The following HS3ST2 variants were observed in gnomAD, a reference collection of about 807,000 sequenced individuals.
HS3ST2 encodes the protein heparan sulfate-glucosamine 3-sulfotransferase 2.
A neutral mutation model predicts 26.3 loss-of-function variants in HS3ST2; 17 were observed. The observed-to-expected ratio is 0.65, with a 90% CI of 0.44 to 0.97. HS3ST2 has a LOEUF of 0.97. HS3ST2 is among the 50% of genes least tolerant of loss of function. The probability of loss-of-function intolerance (pLI) is 0.00; values close to 1 mark genes in which losing one functional copy is unlikely to be tolerated. For synonymous variants in HS3ST2, 237 were observed against 219.2 expected (o/e 1.08, Z -0.72); for missense variants, 402 against 501.2 (o/e 0.80, Z 1.89).
chr16:22,837,538 G>GATATATGTAT (rs549613937), intron 1 of HS3ST2, among the ~76,000 whole-genome samples: 1 of 141,618 alleles, frequency 7.1e-6, no homozygotes, highest in Admixed American at 7.2e-5. Flanking sequence ...TATATACACA[G>GATATATGTAT]ATATATGTAT....
chr16:22,828,748 T>G (rs1901126225), intron 1 of HS3ST2, among the ~76,000 whole-genome samples: 1 of 152,218 alleles, frequency 6.6e-6, no homozygotes, highest in Non-Finnish European at 1.5e-5. Context: ...AGGATCTGAA[T>G]TATTAATTCT....
At chr16:22,876,342 T>C (rs2141195081) in intron 1 of HS3ST2, among the ~76,000 whole-genome samples, 1 of 152,028 alleles carries the variant, frequency 6.6e-6, no homozygotes, top group South Asian at 2.1e-4. Context: ...AAGAAATATA[T>C]GAAAAAATTC....
chr16:22,898,025 G>A (rs1032388128), intron 1 of HS3ST2, among the ~76,000 whole-genome samples: 2 of 152,176 alleles, frequency 1.3e-5, no homozygotes, highest in South Asian at 2.1e-4. Context: ...TAAAGATCTC[G>A]GGCTACTGCA....
intron 1 of HS3ST2, among the ~76,000 whole-genome samples, chr16:22,851,101 G>A (rs1471351414): frequency 3.3e-5 from 5 of 152,152 alleles, no homozygotes; most frequent in African/African-American, 9.7e-5. Flanking sequence ...AGAGGTCCAG[G>A]CAGAAGCTGC....
At chr16:22,815,840 C>A (rs76192579) in intron 1 of HS3ST2, among the ~76,000 whole-genome samples, 7,990 of 152,260 alleles carry the variant, frequency 0.052, 702 homozygotes, top group African/African-American at 0.18. Context: ...CCTTCCAAGG[C>A]TTTTCTGAAG....
chr16:22,846,625 A>G (rs1474044994), intron 1 of HS3ST2, among the ~76,000 whole-genome samples: 1 of 152,206 alleles, frequency 6.6e-6, no homozygotes, highest in Non-Finnish European at 1.5e-5. Flanking sequence ...AATCAGAAAA[A>G]TGCCGCATGT....
At chr16:22,901,992 A>G (rs994650536) in intron 1 of HS3ST2, among the ~76,000 whole-genome samples, 4 of 152,214 alleles carry the variant, frequency 2.6e-5, no homozygotes, top group African/African-American at 9.6e-5. Flanking sequence ...CCCATTCTAC[A>G]CTACAGCCCA....
At chr16:22,871,633 G>A (rs926056572) in intron 1 of HS3ST2, among the ~76,000 whole-genome samples, 1 of 152,156 alleles carries the variant, frequency 6.6e-6, no homozygotes, top group Non-Finnish European at 1.5e-5. Context: ...GTCAGAGATT[G>A]TGTTTCTTCT....
intron 1 of HS3ST2, among the ~76,000 whole-genome samples, chr16:22,847,204 A>C (rs999383269): frequency 6.6e-6 from 1 of 152,088 alleles, no homozygotes; most frequent in African/African-American, 2.4e-5. Flanking sequence ...CTCATCATTT[A>C]GTTCCCACTT....
chr16:22,852,206 T>C (rs1223389044), intron 1 of HS3ST2, among the ~76,000 whole-genome samples: 2 of 152,190 alleles, frequency 1.3e-5, no homozygotes, highest in African/African-American at 2.4e-5. Context: ...TAAAGACTTA[T>C]CTGGCCCCAA....
chr16:22,899,932 C>T (rs1338091149), intron 1 of HS3ST2, among the ~76,000 whole-genome samples: 1 of 152,222 alleles, frequency 6.6e-6, no homozygotes, highest in Non-Finnish European at 1.5e-5. Context: ...TATCAGCCCC[C>T]TTTGTGTTGG....
At chr16:22,882,654 C>T (rs1282933401) in intron 1 of HS3ST2, among the ~76,000 whole-genome samples, 1 of 152,084 alleles carries the variant, frequency 6.6e-6, no homozygotes, top group African/African-American at 2.4e-5. Context: ...TTGCTTGAAC[C>T]CAGGAGGCAG....
intron 1 of HS3ST2, among the ~76,000 whole-genome samples, chr16:22,819,570 A>C (rs1900957835): frequency 6.6e-6 from 1 of 152,176 alleles, no homozygotes; most frequent in Non-Finnish European, 1.5e-5. Flanking sequence ...TATCTTTTCT[A>C]AATGCATTGA....
chr16:22,912,116 T>C (rs748927827), intron 1 of HS3ST2, among the ~76,000 whole-genome samples: 1 of 152,090 alleles, frequency 6.6e-6, no homozygotes, highest in Non-Finnish European at 1.5e-5. Context: ...AGCATAAGAC[T>C]CTGTCACGCA....
chr16:22,875,595 A>G (rs867238588), intron 1 of HS3ST2, among the ~76,000 whole-genome samples: 1 of 151,960 alleles, frequency 6.6e-6, no homozygotes, highest in Non-Finnish European at 1.5e-5. Flanking sequence ...GTTAGCCAGG[A>G]TGGTCTCGAT....
chr16:22,879,412 G>C (rs957004731), intron 1 of HS3ST2, among the ~76,000 whole-genome samples: 1 of 152,198 alleles, frequency 6.6e-6, no homozygotes, highest in Admixed American at 6.5e-5. Context: ...AGGTAACTGA[G>C]CTCCTCTGAG....
At chr16:22,908,595 C>T (rs1352091621) in intron 1 of HS3ST2, among the ~76,000 whole-genome samples, 1 of 152,160 alleles carries the variant, frequency 6.6e-6, no homozygotes, top group Non-Finnish European at 1.5e-5. Flanking sequence ...CAGCACAGGG[C>T]ATTACATGGG....
chr16:22,852,348 G>C (rs186229756), intron 1 of HS3ST2, among the ~76,000 whole-genome samples: 1 of 152,158 alleles, frequency 6.6e-6, no homozygotes, highest in African/African-American at 2.4e-5. Context: ...GCATGATTGT[G>C]GTAGTAAATA....
intron 1 of HS3ST2, among the ~76,000 whole-genome samples, chr16:22,853,444 T>C (rs1006796275): frequency 6.6e-6 from 1 of 152,176 alleles, no homozygotes. Context: ...TTTCTACCAC[T>C]GCTATTTCAG....
Sources: allele counts gnomAD v4.1 joint callset (sites outside exome capture counted in the v4.1 genomes callset), GRCh38; gene constraint gnomAD v4.1.1; transcripts MANE v1.5; gene names NCBI Gene and HGNC (gene_info 2026-07-23, HGNC 2026-07-21).